The following CSGALNACT1 variants were observed in gnomAD, a reference collection of about 807,000 sequenced individuals.
CSGALNACT1 encodes the protein beta4GalNAcT-1.
Under a neutral mutation model 51.0 loss-of-function variants are expected in CSGALNACT1, and 52 were observed. That is an observed-to-expected ratio of 1.02 (90% CI 0.82 to 1.29). The LOEUF (loss-of-function observed/expected upper bound fraction) is 1.29. Ranked by LOEUF, CSGALNACT1 falls within the 50% of genes most tolerant of loss-of-function variation. CSGALNACT1 has a pLI of 0.00. For synonymous variants in CSGALNACT1, 341 were observed against 254.4 expected, an observed-to-expected ratio of 1.34 and a Z score of -3.24; for missense variants, 935 against 679.2, an observed-to-expected ratio of 1.38 and a Z score of -4.19.
At chr8:19,547,300 C>G (rs997498325) in intron 3 of CSGALNACT1, among the ~76,000 whole-genome samples, 1 of 152,180 alleles carries the variant, frequency 6.6e-6, no homozygotes. Flanking sequence ...AGTCTGATAA[C>G]TAACTGGAAT....
At chr8:19,734,354 T>G (rs994107019) in intron 1 of CSGALNACT1, among the ~76,000 whole-genome samples, 3 of 152,320 alleles carry the variant, frequency 2.0e-5, no homozygotes, top group Admixed American at 2.0e-4. Flanking sequence ...CAGCCAAGCT[T>G]CAGCCAATCA....
chr8:19,423,883 C>A (rs1490959321), intron 6 of CSGALNACT1, among the ~76,000 whole-genome samples: 1 of 152,218 alleles, frequency 6.6e-6, no homozygotes, highest in Non-Finnish European at 1.5e-5. Context: ...TGTCCACAGG[C>A]TGCACAGAAA....
At chr8:19,736,100 A>C (rs2063952777) in intron 1 of CSGALNACT1, among the ~76,000 whole-genome samples, 1 of 152,208 alleles carries the variant, frequency 6.6e-6, no homozygotes. Flanking sequence ...CAACAAACTA[A>C]AGAGATGTAC....
In CSGALNACT1 at chr8:19,666,788, A is replaced by AG. The variant is rs1564382818; in HGVS notation, c.-544+15684_-544+15685insC. 2.1e-3 allele frequency among the ~76,000 whole-genome samples: 36 copies of AG among 17,528 alleles called. 2 individuals are homozygous for AG. The highest frequency in any genetic ancestry group is 0.011 in the African/African-American group (34 of 3,054). 11.5% of individuals were successfully genotyped at this position (17,528 alleles called of 152,430 possible). A position where few individuals can be genotyped will look rare whatever the true frequency, so the allele number is the denominator to read the frequency against. On this transcript the variant is annotated intron_variant, in intron 1 of 9. Transcript: ENST00000332246. ...GAAAGAAAGAAAGAAAGAAAGAAAG[A>AG]AAGAAAGAAAGAAAGAAAGAAAGAG...
At chr8:19,623,477 T>A (rs1055281241) in intron 1 of CSGALNACT1, among the ~76,000 whole-genome samples, 3 of 152,218 alleles carry the variant, frequency 2.0e-5, no homozygotes, top group Non-Finnish European at 2.9e-5. Context: ...TCACATTTTT[T>A]AAGAATTGAA....
intron 5 of CSGALNACT1, among the ~76,000 whole-genome samples, chr8:19,445,456 G>C (rs534545336): frequency 1.3e-5 from 2 of 152,284 alleles, no homozygotes; most frequent in East Asian, 1.9e-4. Context: ...TAAGCAATAA[G>C]ACAGATGCTG....
intron 1 of CSGALNACT1, among the ~76,000 whole-genome samples, chr8:19,741,141 C>A (rs2064287589): frequency 6.6e-6 from 1 of 152,192 alleles, no homozygotes; most frequent in Non-Finnish European, 1.5e-5. Context: ...GTGGCACAGA[C>A]AATGCCCATA....
chr8:19,670,283 T>C (rs938517937), intron 1 of CSGALNACT1, among the ~76,000 whole-genome samples: 1 of 152,204 alleles, frequency 6.6e-6, no homozygotes, highest in Admixed American at 6.5e-5. Flanking sequence ...AGAATCTCAG[T>C]GAGCTTTTGT....
chr8:19,646,079 C>T (rs2057248270), intron 1 of CSGALNACT1, among the ~76,000 whole-genome samples: 3 of 152,070 alleles, frequency 2.0e-5, no homozygotes, highest in Admixed American at 1.3e-4. Flanking sequence ...GCCTATTGAA[C>T]GACACTTTAA....
chr8:19,703,993 G>C (rs1589605418), intron 1 of CSGALNACT1, among the ~76,000 whole-genome samples: 1 of 152,148 alleles, frequency 6.6e-6, no homozygotes, highest in Non-Finnish European at 1.5e-5. Context: ...ATCTATGTCT[G>C]ATTTGCTCTT....
intron 4 of CSGALNACT1, among the ~76,000 whole-genome samples, chr8:19,484,875 A>G (rs531493179): frequency 1.1e-4 from 17 of 152,288 alleles, no homozygotes; most frequent in African/African-American, 3.6e-4. Context: ...GAGAGACACC[A>G]GAGACGTGCA....
At chr8:19,716,969 A>T (rs1269239575) in intron 1 of CSGALNACT1, among the ~76,000 whole-genome samples, 1 of 152,126 alleles carries the variant, frequency 6.6e-6, no homozygotes, top group African/African-American at 2.4e-5. Context: ...ACAGCTCCCC[A>T]CTCAGTTGTT....
intron 1 of CSGALNACT1, among the ~76,000 whole-genome samples, chr8:19,697,769 C>G (rs2061657655): frequency 6.6e-6 from 1 of 152,042 alleles, no homozygotes; most frequent in Non-Finnish European, 1.5e-5. Context: ...GTAAACAGGA[C>G]TCTGGAGTTC....
chr8:19,406,891 T>G (rs1429614678), intron 9 of CSGALNACT1, among the ~76,000 whole-genome samples: 1 of 152,214 alleles, frequency 6.6e-6, no homozygotes, highest in Non-Finnish European at 1.5e-5. Flanking sequence ...GTGTTTTTAG[T>G]AGAGACGGGG....
intron 6 of CSGALNACT1, among the ~76,000 whole-genome samples, chr8:19,436,272 C>G (rs1415634367): frequency 6.6e-6 from 1 of 152,182 alleles, no homozygotes; most frequent in African/African-American, 2.4e-5. Flanking sequence ...AATCTTACTA[C>G]TTTCAACTAA....
intron 8 of CSGALNACT1, among the ~76,000 whole-genome samples, chr8:19,410,311 T>G (rs2055376455): frequency 6.6e-6 from 1 of 152,228 alleles, no homozygotes. Flanking sequence ...TGGAAAGATT[T>G]TGTAAGGCGG....
intron 3 of CSGALNACT1, among the ~76,000 whole-genome samples, chr8:19,525,495 T>C (rs1053850189): frequency 6.6e-5 from 10 of 151,282 alleles, no homozygotes; most frequent in South Asian, 6.3e-4. Context: ...TGCATGTCTA[T>C]AGTCCCTGCT....
intron 4 of CSGALNACT1, among the ~76,000 whole-genome samples, chr8:19,498,692 C>T (rs1168100907): frequency 6.6e-6 from 1 of 152,208 alleles, no homozygotes; most frequent in African/African-American, 2.4e-5. Context: ...TCCCCTGAGC[C>T]TTTCCTGCCC....
At chr8:19,719,371 CCGA>C (rs1227634978) in intron 1 of CSGALNACT1, among the ~76,000 whole-genome samples, 3 of 152,124 alleles carry the variant, frequency 2.0e-5, no homozygotes, top group African/African-American at 7.2e-5. Flanking sequence ...TCTTCTTATG[CCGA>C]TATTTGTCAT....
Sources: gnomAD v4.1 joint callset for allele counts (sites outside exome capture counted in the v4.1 genomes callset) on GRCh38, gnomAD v4.1.1 for gene constraint, MANE v1.5 for transcripts, NCBI Gene and HGNC (gene_info 2026-07-23, HGNC 2026-07-21) for gene names.